ELP4: variants seen among roughly 807,000 people sequenced by gnomAD.
ELP4 encodes the protein elongator complex protein 4.
A neutral mutation model predicts 48.9 loss-of-function variants in ELP4; 51 were observed. The observed-to-expected ratio is 1.04, with a 90% CI of 0.83 to 1.32. The LOEUF (loss-of-function observed/expected upper bound fraction) is 1.32. ELP4 is among the 40% of genes most tolerant of loss of function. The pLI is 0.00. For missense variants in ELP4, 519 were observed against 514.6 expected, an observed-to-expected ratio of 1.01 and a Z score of -0.08; for synonymous variants, 210 against 189.2, an observed-to-expected ratio of 1.11 and a Z score of -0.90.
At chr11:31,693,822 T>G (rs1946336253) in intron 9 of ELP4, among the ~76,000 whole-genome samples, 1 of 152,206 alleles carries the variant, frequency 6.6e-6, no homozygotes, top group Non-Finnish European at 1.5e-5. Context: ...CTCCAGCAAC[T>G]GTTGTTTCCT....
chr11:31,779,652 G>A (rs989202285), intron 9 of ELP4: 1 of 152,168 alleles, frequency 6.6e-6, no homozygotes, highest in Non-Finnish European at 1.5e-5. Context: ...GGTGCCTTTT[G>A]GCAGGAGTCT....
chr11:31,678,812 C>A (rs1056227367), intron 9 of ELP4, among the ~76,000 whole-genome samples: 1 of 152,120 alleles, frequency 6.6e-6, no homozygotes, highest in African/African-American at 2.4e-5. Context: ...GAGCATATTT[C>A]ATTTTGCAAG....
intron 9 of ELP4, among the ~76,000 whole-genome samples, chr11:31,745,401 A>G (rs1405998338): frequency 6.6e-6 from 1 of 152,244 alleles, no homozygotes; most frequent in Admixed American, 6.5e-5. Flanking sequence ...TTTACAGTTC[A>G]TGTGGAACCA....
chr11:31,657,450 C>T (rs981881244), intron 9 of ELP4, among the ~76,000 whole-genome samples: 1 of 151,984 alleles, frequency 6.6e-6, no homozygotes, highest in East Asian at 1.9e-4. Context: ...AATGTAAGCT[C>T]CACAAGAGTA....
At chr11:31,620,038 A>G (rs1330456679) in intron 5 of ELP4, among the ~76,000 whole-genome samples, 1 of 152,038 alleles carries the variant, frequency 6.6e-6, no homozygotes, top group Non-Finnish European at 1.5e-5. Flanking sequence ...GATAATGAAG[A>G]TGGAGGAAGA....
At chr11:31,669,215 C>T (rs927238667) in intron 9 of ELP4, among the ~76,000 whole-genome samples, 1 of 152,060 alleles carries the variant, frequency 6.6e-6, no homozygotes, top group Non-Finnish European at 1.5e-5. Context: ...TCTCCTGCCT[C>T]AGCCTCCCGA....
At chr11:31,614,959 A>G (rs544738654) in intron 5 of ELP4, among the ~76,000 whole-genome samples, 1 of 152,204 alleles carries the variant, frequency 6.6e-6, no homozygotes, top group East Asian at 1.9e-4. Flanking sequence ...ATGATATTGG[A>G]ACAACTGCTG....
intron 9 of ELP4, among the ~76,000 whole-genome samples, chr11:31,685,434 C>A (rs190121058): frequency 6.6e-6 from 1 of 152,078 alleles, no homozygotes; most frequent in African/African-American, 2.4e-5. Flanking sequence ...CCAACCTGTG[C>A]ATTTTTTTAC....
intron 9 of ELP4, chr11:31,689,171 A>T (rs1275880443): frequency 6.6e-6 from 1 of 152,156 alleles, no homozygotes. Flanking sequence ...ACTTGAAAAT[A>T]ATGGAAAGCT....
intron 5 of ELP4, among the ~76,000 whole-genome samples, chr11:31,621,509 A>G (rs1482635790): frequency 2.0e-5 from 3 of 151,944 alleles, no homozygotes; most frequent in African/African-American, 7.2e-5. Flanking sequence ...TTCGAAGACC[A>G]GAACAGAAAA....
intron 9 of ELP4, among the ~76,000 whole-genome samples, chr11:31,746,429 A>G (rs1292998038): frequency 6.6e-6 from 1 of 152,222 alleles, no homozygotes; most frequent in Non-Finnish European, 1.5e-5. Context: ...CTATAAAGAC[A>G]CATGCACACG....
chr11:31,528,740 G>T (rs536099336), intron 2 of ELP4, among the ~76,000 whole-genome samples: 1 of 152,052 alleles, frequency 6.6e-6, no homozygotes, highest in South Asian at 2.1e-4. Context: ...AAAAGGAAAA[G>T]AATGAGCAAA....
intron 9 of ELP4, among the ~76,000 whole-genome samples, chr11:31,729,206 A>C (rs1301553825): frequency 1.3e-5 from 2 of 152,198 alleles, no homozygotes; most frequent in African/African-American, 4.8e-5. Flanking sequence ...ATATTTCAAA[A>C]TGTTTTATGA....
chr11:31,559,224 G>T (rs1254888209), intron 3 of ELP4, among the ~76,000 whole-genome samples: 1 of 152,218 alleles, frequency 6.6e-6, no homozygotes, highest in Non-Finnish European at 1.5e-5. Flanking sequence ...TAGTGTTGGG[G>T]TGATTCCTTC....
Position 31,790,009 on chromosome 11 carries a change from G to A in ELP4, c.*6485G>A, listed in dbSNP as rs78290542. Reference sequence around the variant, plus strand: ...CTTGAACTGGAACTGACACACCAGGGGAAATGAGTCCTAGAAGTGGATGAA... The same window carrying A: ...CTTGAACTGGAACTGACACACCAGGAGAAATGAGTCCTAGAAGTGGATGAA... On this transcript the variant is annotated 3_prime_UTR_variant, in exon 10 of 10. Transcript: ENST00000640961. The A allele has an allele frequency of 1.1e-4, 181 of 1,579,672 alleles. 1 individual carries two copies. In the East Asian group the frequency reaches 3.9e-3, roughly 34 times the overall value.
intron 3 of ELP4, among the ~76,000 whole-genome samples, chr11:31,594,503 T>A (rs1376656920): frequency 1.3e-5 from 2 of 152,168 alleles, no homozygotes; most frequent in Non-Finnish European, 2.9e-5. Context: ...AACCTCTTGT[T>A]AGAATGGCAA....
At chr11:31,578,818 CCTAAAACCA>C in intron 3 of ELP4, among the ~76,000 whole-genome samples, 1 of 152,264 alleles carries the variant, frequency 6.6e-6, no homozygotes, top group Middle Eastern at 3.4e-3. Context: ...AAATGTTAGA[CCTAAAACCA>C]TTAAAACCCT....
intron 3 of ELP4, among the ~76,000 whole-genome samples, chr11:31,555,891 T>G (rs1278780840): frequency 6.6e-6 from 1 of 151,842 alleles, no homozygotes; most frequent in Non-Finnish European, 1.5e-5. Context: ...AACCAAGGAG[T>G]TAACAGTGTT....
chr11:31,756,737 CA>C (rs1174517447), intron 9 of ELP4, among the ~76,000 whole-genome samples: 1 of 152,028 alleles, frequency 6.6e-6, no homozygotes, highest in Non-Finnish European at 1.5e-5. Context: ...AAGTATTAAG[CA>C]AAAAAAGTTT....
Sources: allele counts gnomAD v4.1 joint callset (sites outside exome capture counted in the v4.1 genomes callset), GRCh38; gene constraint gnomAD v4.1.1; transcripts MANE v1.5; gene names NCBI Gene and HGNC (gene_info 2026-07-23, HGNC 2026-07-21).